Variants in TIAM1 observed in about 807,000 individuals in gnomAD.
TIAM1 encodes rho guanine nucleotide exchange factor TIAM1.
A neutral mutation model predicts 163.5 loss-of-function variants in TIAM1; 65 were observed. The ratio of observed to expected loss-of-function variants is 0.40; its 90% CI spans 0.33 to 0.49. The LOEUF is 0.49. Ranked by LOEUF, TIAM1 falls within the 20% of genes least tolerant of loss-of-function variation. TIAM1 has a pLI of 0.77. For synonymous variants in TIAM1, 833 were observed against 810.1 expected (o/e 1.03, Z -0.48); for missense variants, 1,789 against 2,044.7 (o/e 0.87, Z 2.41).
In TIAM1 at chr21:31,395,474, G is replaced by A. The variant is rs377744120; in HGVS notation, c.-368-56052C>T. Among the ~76,000 whole-genome samples, 16 of 152,212 alleles carry A rather than the reference G, an allele frequency of 1.1e-4. No homozygotes were observed. Among genetic ancestry groups the A allele is most frequent in the South Asian group, 1.0e-3 (5 of 4,804 alleles). Reference sequence around the variant, plus strand: ...GGAAAATTGGACAAGAGGGGCCCTCGGAGACCGAGGTCATCTAAACACAGC... The same window carrying A: ...GGAAAATTGGACAAGAGGGGCCCTCAGAGACCGAGGTCATCTAAACACAGC... On this transcript the variant is annotated intron_variant, in intron 2 of 28. Transcript: ENST00000286827. This position sits in a 1 kb window ranked among gnomAD's most constrained non-coding sequence, Gnocchi z 7.5.
Position 31,253,341 on chromosome 21 carries a change from A to T in TIAM1, c.964-1152T>A, listed in dbSNP as rs557658481. 4.6e-5 allele frequency among the ~76,000 whole-genome samples: 7 copies of T among 152,320 alleles called. No individual in the cohort carries two copies. In the South Asian group the frequency reaches 8.3e-4, roughly 18 times the overall value. ...CTCACAAATGGCTCATTCTGGTTCA[A>T]ACACGTAAAAACTAACCAGATATTC... On this transcript the variant is annotated intron_variant, in intron 4 of 27. Coordinates refer to ENST00000541036, the MANE Select transcript of TIAM1 (RefSeq NM_001353694.2).
At chr21:31,127,185 A>G in intron 25 of TIAM1, 33 bp from the exon 26 acceptor site, 1 of 1,595,804 alleles carries the variant, frequency 6.3e-7, no homozygotes, top group Non-Finnish European at 8.6e-7. Context: ...GAATCAGGGT[A>G]TGTTTCAAGT....
rs114758969 is a variant in TIAM1 at position 31,382,102 on chromosome 21, G to A, written c.-368-42680C>T. 2.6e-3 allele frequency among the ~76,000 whole-genome samples: 390 copies of A among 152,274 alleles called. 1 individual carries two copies. Among genetic ancestry groups the A allele is most frequent in the African/African-American group, 8.8e-3 (366 of 41,556 alleles). ...CTTGTGCAGAAGACATTTAAACTGG[G>A]TCAAGCAGAAATTCTTGAATTAGAG... On this transcript the variant is annotated intron_variant, in intron 2 of 28. Transcript: ENST00000286827.
chr21:31,180,031 G>A (rs1243445460), intron 15 of TIAM1, among the ~76,000 whole-genome samples: 1 of 150,314 alleles, frequency 6.7e-6, no homozygotes, highest in East Asian at 2.0e-4. Context: ...TCAGCCTCCC[G>A]AGTAGCTGGG....
chr21:31,418,159 T>C (rs1237687018), intron 2 of TIAM1, among the ~76,000 whole-genome samples: 2 of 151,820 alleles, frequency 1.3e-5, no homozygotes, highest in African/African-American at 4.8e-5. Flanking sequence ...CTGGCCAACA[T>C]GGCGAAACCC....
intron 3 of TIAM1, among the ~76,000 whole-genome samples, chr21:31,267,516 ATTT>A (rs34794925): frequency 5.7e-4 from 78 of 137,980 alleles, no homozygotes; most frequent in East Asian, 2.1e-3. Flanking sequence ...TCGTTTTTTC[ATTT>A]TTTTTTTTTT....
In TIAM1 at chr21:31,316,127, T is replaced by A. The variant is rs139445237; in HGVS notation, c.-189+23116A>T. ...TGATCCACTGTATTAAGATTCTGGG[T>A]TAAACTGGAAAAGGAGGAAGTTAAA... On this transcript the variant is annotated intron_variant, in intron 2 of 27. Transcript: ENST00000541036. Among the ~76,000 whole-genome samples, 1,001 of 152,240 alleles carry A rather than the reference T, an allele frequency of 6.6e-3. 10 individuals are homozygous for A. Among genetic ancestry groups the A allele is most frequent in the Admixed American group, 0.011 (161 of 15,288 alleles).
intron 5 of TIAM1, among the ~76,000 whole-genome samples, chr21:31,251,093 G>A (rs1225249242): frequency 6.6e-6 from 1 of 152,124 alleles, no homozygotes. Context: ...TAGAATTCAA[G>A]CTAATAAATT....
Position 31,240,928 on chromosome 21 carries a change from C to T in TIAM1, c.1584+4560G>A, listed in dbSNP as rs558143594. Reference sequence around the variant, plus strand: ...TGTAGTGCCCATAATTCCCACATGTCGTGGAAGGGACCCAGTGGTAGGTAA... The same window carrying T: ...TGTAGTGCCCATAATTCCCACATGTTGTGGAAGGGACCCAGTGGTAGGTAA... On this transcript the variant is annotated intron_variant, in intron 6 of 27. Coordinates refer to ENST00000541036, the MANE Select transcript of TIAM1 (RefSeq NM_001353694.2). 2.0e-5 allele frequency among the ~76,000 whole-genome samples: 3 copies of T among 152,244 alleles called. No homozygotes were observed. The South Asian group carries it at 6.2e-4, about 32-fold the overall frequency.
chr21:31,274,901 G>A (rs557185689), intron 3 of TIAM1, among the ~76,000 whole-genome samples: 4 of 148,030 alleles, frequency 2.7e-5, no homozygotes, highest in Middle Eastern at 3.4e-3. Flanking sequence ...TTGAGGTCAC[G>A]AGTTTGAGAC....
intron 2 of TIAM1, among the ~76,000 whole-genome samples, chr21:31,326,536 G>A (rs2075492755): frequency 6.6e-6 from 1 of 152,140 alleles, no homozygotes; most frequent in African/African-American, 2.4e-5. Context: ...CATATTAAGT[G>A]GTAAAAGCCC....
rs537067031 is a variant in TIAM1, at chr21:31,132,857, T to C, written c.3884-1909A>G. Among the ~76,000 whole-genome samples, 4 of 152,332 alleles carry C rather than the reference T, an allele frequency of 2.6e-5. 1 individual carries two copies. The highest frequency in any genetic ancestry group is 1.3e-4 in the Admixed American group (2 of 15,298). On this transcript the variant is annotated intron_variant, in intron 23 of 27. Transcript: ENST00000541036. ...TCCACTCTGTGCCCCAAAACGTGAA[T>C]GTCAAATACCCTTCAAGGCAGAAGG...
At chr21:31,508,978 G>A (rs2047123238) in intron 1 of TIAM1, among the ~76,000 whole-genome samples, 1 of 152,068 alleles carries the variant, frequency 6.6e-6, no homozygotes, top group Admixed American at 6.5e-5. Context: ...GCCTTGTCAT[G>A]AACAAAAATG....
chr21:31,376,125 C>G (rs955334108), intron 2 of TIAM1, among the ~76,000 whole-genome samples: 2 of 152,156 alleles, frequency 1.3e-5, no homozygotes, highest in African/African-American at 2.4e-5. Flanking sequence ...AACGATACTG[C>G]CACATCCTAC....
chr21:31,373,063 A>G, intron 2 of TIAM1, among the ~76,000 whole-genome samples: 1 of 148,034 alleles, frequency 6.8e-6, no homozygotes. Context: ...CTCAAAAAAA[A>G]AAAAAGAAAA....
At chr21:31,349,097 C>T (rs2076194548), upstream of TIAM1, among the ~76,000 whole-genome samples, 2 of 152,126 alleles carry the variant, frequency 1.3e-5, no homozygotes, top group South Asian at 4.1e-4. Flanking sequence ...GATGAATGTT[C>T]GATTTAATTT....
chr21:31,442,084 T>TATATATATATATATATATATAG (rs1389424801), intron 2 of TIAM1, among the ~76,000 whole-genome samples: 2 of 122,708 alleles, frequency 1.6e-5, no homozygotes, highest in African/African-American at 6.2e-5. Context: ...TATATATATA[T>TATATATATATATATATATATAG]ATAGAACAAT....
At chr21:31,497,124 T>C (rs2046689431) in intron 1 of TIAM1, among the ~76,000 whole-genome samples, 2 of 152,152 alleles carry the variant, frequency 1.3e-5, no homozygotes, top group African/African-American at 2.4e-5. Context: ...CGGTCAGGGG[T>C]TGGGGATCCC....
intron 6 of TIAM1, among the ~76,000 whole-genome samples, chr21:31,236,983 C>G (rs1165581369): frequency 6.6e-6 from 1 of 152,076 alleles, no homozygotes; most frequent in Non-Finnish European, 1.5e-5. Flanking sequence ...AAGACTTGCA[C>G]AGGACTCTGT....
Sources: gnomAD v4.1 joint callset for allele counts (sites outside exome capture counted in the v4.1 genomes callset) on GRCh38, gnomAD v4.1.1 for gene constraint, Gnocchi (gnomAD v3.1) non-coding constraint, MANE v1.5 for transcripts, NCBI Gene and HGNC (gene_info 2026-07-23, HGNC 2026-07-21) for gene names.